Variants in ELP3 observed in about 807,000 individuals in gnomAD.
ELP3 encodes elongator complex protein 3.
A neutral mutation model predicts 74.9 loss-of-function variants in ELP3; 56 were observed. The observed-to-expected ratio is 0.75, with a 90% confidence interval of 0.60 to 0.93. The LOEUF (loss-of-function observed/expected upper bound fraction) is 0.93. ELP3 is among the 40% of genes least tolerant of loss of function. ELP3 has a pLI of 0.00. For synonymous variants in ELP3, 222 were observed against 239.8 expected (o/e 0.93, Z 0.68); for missense variants, 573 against 686.5 (o/e 0.83, Z 1.85).
At chr8:28,164,112 A>G (rs1237914064) in intron 14 of ELP3, among the ~76,000 whole-genome samples, 1 of 152,208 alleles carries the variant, frequency 6.6e-6, no homozygotes. Context: ...TGCATATTCC[A>G]TCACTGCTCT....
intron 5 of ELP3, among the ~76,000 whole-genome samples, chr8:28,108,362 C>T (rs561573847): frequency 7.2e-5 from 11 of 152,058 alleles, no homozygotes; most frequent in South Asian, 2.1e-4. Flanking sequence ...AACCAGGTTT[C>T]GAAGTCTGTG....
chr8:28,132,746 G>A (rs1281857031), intron 9 of ELP3, among the ~76,000 whole-genome samples: 1 of 152,076 alleles, frequency 6.6e-6, no homozygotes. Flanking sequence ...TATCCATGTT[G>A]TAGCCTGGTC....
In ELP3 at chr8:28,189,704, C is replaced by T. The variant is rs746927278; in HGVS notation, c.1623C>T (p.Tyr541=). 3.7e-6 allele frequency: 6 copies of T among 1,614,134 alleles called. No homozygotes were observed. Among genetic ancestry groups the T allele is most frequent in the Non-Finnish European group, 5.1e-6 (6 of 1,179,966 alleles). ...TCGGCTACAGATTACAAGGCCCGTACATGGTGAAGATGCTGAAATAATGGC... is the reference window on the plus strand; with the variant it reads ...TCGGCTACAGATTACAAGGCCCGTATATGGTGAAGATGCTGAAATAATGGC... ...RKIGYRLQGP[Y]MVKMLK is the part of the protein sequence containing the mutation. Residue 541 remains tyrosine, a synonymous_variant, in exon 15 of 15, where the codon TAC becomes TAT. Transcript: ENST00000256398.
Position 28,160,440 on chromosome 8 carries a change from C to T in ELP3, c.1469C>T (p.Thr490Ile). ...SVVPVSSRDP[T>I]KFQHQGFGML... ...GTCCCTGTGAGCAGCCGGGATCCTA[C>T]TAAATTTCAGCATCAGGTATCCTGT... The change falls in exon 13 of 15, where the codon ACT becomes ATT. Residue 490 changes from threonine (T) to isoleucine (I), a missense_variant. Thr to Ile is a moderately conservative substitution (Grantham distance 89). Coordinates refer to ENST00000256398, the MANE Select transcript of ELP3 (RefSeq NM_018091.6). 6.2e-7 allele frequency: 1 copy of T among 1,613,572 alleles called. No individual in the cohort carries two copies. The highest frequency in any genetic ancestry group is 1.1e-5 in the South Asian group (1 of 90,942).
upstream of ELP3, among the ~76,000 whole-genome samples, chr8:28,091,588 T>C (rs1379292056): frequency 6.6e-6 from 1 of 152,172 alleles, no homozygotes; most frequent in Non-Finnish European, 1.5e-5. Context: ...CCTGTCTTTA[T>C]TAATGGGAGA....
intron 14 of ELP3, among the ~76,000 whole-genome samples, chr8:28,170,378 A>T (rs921989456): frequency 1.3e-5 from 2 of 152,116 alleles, no homozygotes; most frequent in Non-Finnish European, 2.9e-5. Flanking sequence ...CCAGATTTTC[A>T]TATAGTCAAG....
intron 10 of ELP3, among the ~76,000 whole-genome samples, chr8:28,154,925 T>C (rs1813770735): frequency 6.6e-6 from 1 of 152,226 alleles, no homozygotes; most frequent in Admixed American, 6.5e-5. Context: ...ATGGCAACTC[T>C]CCTGGCTTCC....
At chr8:28,186,433 C>G (rs1038168042) in intron 14 of ELP3, among the ~76,000 whole-genome samples, 1 of 152,240 alleles carries the variant, frequency 6.6e-6, no homozygotes, top group African/African-American at 2.4e-5. Flanking sequence ...AGCCAGGTGG[C>G]TCTGCCTTCT....
At chr8:28,090,256 T>C (rs1811017642), upstream of ELP3, 1 of 347,408 alleles carries the variant, frequency 2.9e-6, no homozygotes, top group Non-Finnish European at 5.7e-6. Context: ...CCTATCCTCA[T>C]CTGTGCAAGG....
chr8:28,090,437 G>A (rs890828494), upstream of ELP3: 14 of 296,008 alleles, frequency 4.7e-5, no homozygotes, highest in Non-Finnish European at 8.5e-5. Flanking sequence ...AACCCAGGCT[G>A]TTGCTTCTTG....
chr8:28,122,294 G>A (rs984371322), intron 7 of ELP3, among the ~76,000 whole-genome samples: 69 of 152,172 alleles, frequency 4.5e-4, no homozygotes, highest in African/African-American at 1.5e-3. Flanking sequence ...GTTGGTATTA[G>A]TGTAACGCAG....
intron 14 of ELP3, among the ~76,000 whole-genome samples, chr8:28,180,483 TC>T (rs1201639404): frequency 1.3e-5 from 2 of 152,246 alleles, no homozygotes; most frequent in African/African-American, 4.8e-5. Context: ...TTTTAATGTT[TC>T]CAGTTGTTTT....
At chr8:28,141,306 G>A (rs1012037451) in intron 10 of ELP3, among the ~76,000 whole-genome samples, 12 of 152,306 alleles carry the variant, frequency 7.9e-5, no homozygotes, top group Non-Finnish European at 1.3e-4. Context: ...AGAACTTCAC[G>A]ATCTGAATCC....
chr8:28,115,838 G>A (rs1227743168), intron 7 of ELP3, among the ~76,000 whole-genome samples: 5 of 152,070 alleles, frequency 3.3e-5, no homozygotes, highest in African/African-American at 1.2e-4. Flanking sequence ...GAAGGAATAT[G>A]GCCTGTTTTT....
At chr8:28,150,845 CAT>C (rs1813613808) in intron 10 of ELP3, among the ~76,000 whole-genome samples, 1 of 152,116 alleles carries the variant, frequency 6.6e-6, no homozygotes, top group Admixed American at 6.6e-5. Flanking sequence ...TCTTATTACA[CAT>C]GTTACACCTT....
Position 28,099,951 on chromosome 8 carries a change from C to G in ELP3, c.243C>G (p.Ile81Met), listed in dbSNP as rs1811409587. 1 of 1,614,158 alleles carries G rather than the reference C, an allele frequency of 6.2e-7. No individual in the cohort carries two copies. The highest frequency in any genetic ancestry group is 8.5e-7 in the Non-Finnish European group (1 of 1,180,032). ...TGCCCAAGTTAAAGGCGAAACCCAT[C>G]AGAACTGCTAGTGGGGTGAGTGATT... ...VLMPKLKAKPIRTASGIAVVA... is the reference protein window; with the variant it reads ...VLMPKLKAKPMRTASGIAVVA... The change falls in exon 3 of 15, where the codon ATC becomes ATG. Residue 81 changes from isoleucine (I) to methionine (M), a missense_variant. Physicochemically the swap from Ile to Met is conservative, Grantham distance 10 (BLOSUM62 1). Transcript: ENST00000256398.
chr8:28,165,477 C>T (rs1814271430), intron 14 of ELP3, among the ~76,000 whole-genome samples: 2 of 152,094 alleles, frequency 1.3e-5, no homozygotes, highest in Admixed American at 1.3e-4. Context: ...CGACCTTGTC[C>T]TCAGTTTGTA....
chr8:28,150,897 C>T (rs932623721), intron 10 of ELP3, among the ~76,000 whole-genome samples: 2 of 152,092 alleles, frequency 1.3e-5, no homozygotes, highest in African/African-American at 4.8e-5. Context: ...TTACCCAAGC[C>T]ATTCTCCCAC....
At chr8:28,096,602 C>T (rs1811262972) in intron 1 of ELP3, among the ~76,000 whole-genome samples, 2 of 152,340 alleles carry the variant, frequency 1.3e-5, no homozygotes, top group East Asian at 1.9e-4. Flanking sequence ...ATACAAGAAC[C>T]TGTCAGCTTC....
Sources: allele counts gnomAD v4.1 joint callset (sites outside exome capture counted in the v4.1 genomes callset), GRCh38; gene constraint gnomAD v4.1.1; transcripts MANE v1.5; gene names NCBI Gene and HGNC (gene_info 2026-07-23, HGNC 2026-07-21).